ARFGAP3: variants seen among roughly 807,000 people sequenced by gnomAD.
The protein encoded by ARFGAP3 is ADP-ribosylation factor GTPase-activating protein 3.
A neutral mutation model predicts 75.0 loss-of-function variants in ARFGAP3; 72 were observed. That is an observed-to-expected ratio of 0.96 (90% CI 0.79 to 1.17). ARFGAP3 has a LOEUF of 1.17. ARFGAP3 is among the 50% of genes most tolerant of loss of function. ARFGAP3 has a pLI of 0.00. For synonymous variants in ARFGAP3, 221 were observed against 217.9 expected, an observed-to-expected ratio of 1.01 and a Z score of -0.13; for missense variants, 620 against 626.6, an observed-to-expected ratio of 0.99 and a Z score of 0.11.
At chr22:42,840,295 T>A (rs1473109359) in intron 3 of ARFGAP3, among the ~76,000 whole-genome samples, 2 of 152,184 alleles carry the variant, frequency 1.3e-5, no homozygotes, top group Admixed American at 6.5e-5. Context: ...TCCTGTTTAT[T>A]AGGTGTTTAA....
rs527719682 is a variant in ARFGAP3 at position 42,856,285 on chromosome 22, A to G, written c.69+829T>C. On this transcript the variant is annotated intron_variant, in intron 1 of 15. Transcript: ENST00000263245. ...TTCTATGCCAGCATATCGAGGTTCAATAACAGCTGTTCCCTTCGGGAAGTG... is the reference window on the plus strand; with the variant it reads ...TTCTATGCCAGCATATCGAGGTTCAGTAACAGCTGTTCCCTTCGGGAAGTG... 8.5e-5 allele frequency among the ~76,000 whole-genome samples: 13 copies of G among 152,350 alleles called. No homozygotes were observed. The East Asian group carries it at 1.9e-3, about 23-fold the overall frequency.
At chr22:42,835,142 T>C (rs945540448) in intron 4 of ARFGAP3, among the ~76,000 whole-genome samples, 11 of 152,248 alleles carry the variant, frequency 7.2e-5, no homozygotes, top group Non-Finnish European at 2.9e-5. Flanking sequence ...TATAGGAACC[T>C]AATCCTGTAT....
At chr22:42,800,611 T>C (rs1019850591) in intron 14 of ARFGAP3, among the ~76,000 whole-genome samples, 1 of 152,190 alleles carries the variant, frequency 6.6e-6, no homozygotes, top group African/African-American at 2.4e-5. Flanking sequence ...AACGTGTCCC[T>C]TGGAAGAGAC....
At chr22:42,851,044 A>C (rs893573251) in intron 1 of ARFGAP3, among the ~76,000 whole-genome samples, 1 of 152,342 alleles carries the variant, frequency 6.6e-6, no homozygotes, top group Middle Eastern at 3.4e-3. Flanking sequence ...CTCTGCCAAA[A>C]GGTGCTGTTC....
In ARFGAP3 at chr22:42,837,675, C is replaced by CTT. The variant is rs71186547; in HGVS notation, c.262-2184_262-2183dup. On this transcript the variant is annotated intron_variant, in intron 3 of 15. Coordinates refer to ENST00000263245, the MANE Select transcript of ARFGAP3 (RefSeq NM_014570.5). The stretch of plus-strand genomic sequence containing the variant: ...GCCTTGAAACATCTAAGGCATACTT[C>CTT]TTTTTTTTTTTTTTTTTTTTTTGAG... Among the ~76,000 whole-genome samples, 269 of 75,646 alleles carry CTT rather than the reference C, an allele frequency of 3.6e-3. 27 individuals are homozygous for CTT. Among genetic ancestry groups the CTT allele is most frequent in the Middle Eastern group, 0.015 (1 of 66 alleles). The allele number at this position is 75,646 out of a possible 152,430, so 49.6% of individuals were successfully genotyped here. A position where few individuals can be genotyped will look rare whatever the true frequency, so the allele number is the denominator to read the frequency against.
At chr22:42,818,522 G>A (rs1255116328) in intron 9 of ARFGAP3, among the ~76,000 whole-genome samples, 1 of 152,024 alleles carries the variant, frequency 6.6e-6, no homozygotes, top group Admixed American at 6.6e-5. Context: ...GTAAAAAGGT[G>A]TACAAAACAT....
At chr22:42,804,505 C>A (rs144289005) in intron 14 of ARFGAP3, among the ~76,000 whole-genome samples, 6 of 151,794 alleles carry the variant, frequency 4.0e-5, no homozygotes, top group African/African-American at 1.5e-4. Context: ...CCTCAGCCTC[C>A]GGAGTAGCTG....
chr22:42,810,617 G>A (rs1243428089), intron 12 of ARFGAP3, among the ~76,000 whole-genome samples, 196 bp downstream of exon 12: 5 of 152,214 alleles, frequency 3.3e-5, no homozygotes, highest in Non-Finnish European at 7.3e-5. Context: ...ACACTGGCGT[G>A]ATCATAGCTC....
chr22:42,849,296 G>C (rs1217916572), intron 1 of ARFGAP3, among the ~76,000 whole-genome samples: 1 of 152,190 alleles, frequency 6.6e-6, no homozygotes, highest in African/African-American at 2.4e-5. Flanking sequence ...CTAATACAGA[G>C]AGATATTCCT....
intron 6 of ARFGAP3, 52 bp downstream of exon 6, chr22:42,831,497 G>A: frequency 6.4e-7 from 1 of 1,558,216 alleles, no homozygotes; most frequent in South Asian, 1.1e-5. Context: ...TAGTTTCATA[G>A]CATGCCACTG....
intron 9 of ARFGAP3, among the ~76,000 whole-genome samples, chr22:42,821,756 T>G (rs1925822141): frequency 6.6e-6 from 1 of 152,162 alleles, no homozygotes. Flanking sequence ...TACTTAGGAG[T>G]AGATTTGCTG....
In ARFGAP3 at chr22:42,808,757, G is replaced by C. The variant is rs1294995096; in HGVS notation, c.1320+10C>G. 6.2e-7 allele frequency: 1 copy of C among 1,604,586 alleles called. No homozygotes were observed. The highest frequency in any genetic ancestry group is 1.1e-5 in the South Asian group (1 of 89,858). On this transcript the variant is annotated intron_variant, in intron 13 of 15. Coordinates refer to ENST00000263245, the MANE Select transcript of ARFGAP3 (RefSeq NM_014570.5). ...TATGGGGCACCCAAAGAAACTCTCT[G>C]GACCCTTACATCAGCCTGGGATTGT...
intron 11 of ARFGAP3, among the ~76,000 whole-genome samples, chr22:42,811,356 T>C (rs959271256): frequency 6.6e-6 from 1 of 152,218 alleles, no homozygotes; most frequent in African/African-American, 2.4e-5. Flanking sequence ...ATAACCTTAG[T>C]ATAACTTGGC....
At chr22:42,836,801 TATCA>T (rs1247903569) in intron 3 of ARFGAP3, among the ~76,000 whole-genome samples, 1 of 152,178 alleles carries the variant, frequency 6.6e-6, no homozygotes, top group East Asian at 1.9e-4. Context: ...ATAGCAACAC[TATCA>T]GACAGTCACT....
intron 10 of ARFGAP3, 83 bp downstream of exon 10, chr22:42,817,646 G>A: frequency 8.8e-7 from 1 of 1,137,842 alleles, no homozygotes. Flanking sequence ...CTCTAAAGTT[G>A]AAACTAACAC....
chr22:42,822,554 G>T, intron 8 of ARFGAP3, 145 bp from the exon 9 acceptor site: 1 of 973,158 alleles, frequency 1.0e-6, no homozygotes, highest in Non-Finnish European at 1.5e-6. Context: ...AGAACTCTGT[G>T]AAGTTAGTAT....
At chr22:42,842,811 A>C (rs1024869883) in intron 2 of ARFGAP3, among the ~76,000 whole-genome samples, 1 of 152,102 alleles carries the variant, frequency 6.6e-6, no homozygotes, top group Non-Finnish European at 1.5e-5. Flanking sequence ...CTATAAGGTC[A>C]TAAAAAGCGT....
At chr22:42,836,428 T>C (rs1926524698) in intron 3 of ARFGAP3, among the ~76,000 whole-genome samples, 1 of 152,160 alleles carries the variant, frequency 6.6e-6, no homozygotes, top group South Asian at 2.1e-4. Flanking sequence ...TGTGAACCAC[T>C]ACACTTCGTC....
At chr22:42,799,788 G>C (rs945509248) in intron 14 of ARFGAP3, among the ~76,000 whole-genome samples, 3 of 152,146 alleles carry the variant, frequency 2.0e-5, no homozygotes, top group Non-Finnish European at 4.4e-5. Context: ...GGGGTATGGA[G>C]GAAGCTTGTT....
Sources: allele counts gnomAD v4.1 joint callset (sites outside exome capture counted in the v4.1 genomes callset), GRCh38; gene constraint gnomAD v4.1.1; transcripts MANE v1.5; gene names NCBI Gene and HGNC (gene_info 2026-07-23, HGNC 2026-07-21).